PAK5: variants seen among roughly 807,000 people sequenced by gnomAD.
PAK5 encodes p21 (RAC1) activated kinase 5, also known as serine/threonine-protein kinase PAK 5.
PAK5 carries 16 observed loss-of-function variants against 65.9 expected under a neutral mutation model. That is an observed-to-expected ratio of 0.24 (90% CI 0.16 to 0.37). The LOEUF is 0.37. Among genes scored for constraint, PAK5 ranks in the 10% least tolerant of loss-of-function variants. PAK5 has a pLI of 1.00. For synonymous variants in PAK5, 371 were observed against 354.9 expected, an observed-to-expected ratio of 1.05 and a Z score of -0.51; for missense variants, 785 against 903.9, an observed-to-expected ratio of 0.87 and a Z score of 1.69.
chr20:9,553,174 C>T (rs938079272), intron 7 of PAK5, among the ~76,000 whole-genome samples: 12 of 152,112 alleles, frequency 7.9e-5, no homozygotes, highest in African/African-American at 2.2e-4. Context: ...ATTCAAATTT[C>T]ATCAGTTACA....
intron 3 of PAK5, among the ~76,000 whole-genome samples, chr20:9,586,727 C>A (rs531658684): frequency 2.0e-4 from 30 of 152,074 alleles, no homozygotes; most frequent in Non-Finnish European, 4.3e-4. Context: ...ATTAGAGGGT[C>A]ACTATTTCAT....
intron 1 of PAK5, among the ~76,000 whole-genome samples, chr20:9,776,170 G>A (rs573421216): frequency 6.6e-6 from 1 of 152,288 alleles, no homozygotes; most frequent in South Asian, 2.1e-4. Flanking sequence ...TATAGCACAG[G>A]TGACAGATGA....
At chr20:9,698,153 C>T (rs2047893747) in intron 2 of PAK5, among the ~76,000 whole-genome samples, 1 of 151,994 alleles carries the variant, frequency 6.6e-6, no homozygotes, top group Non-Finnish European at 1.5e-5. Flanking sequence ...GCTTAGAAAC[C>T]TTTCTGAGAA....
intron 4 of PAK5, among the ~76,000 whole-genome samples, chr20:9,572,404 T>A (rs1037601801): frequency 6.6e-6 from 1 of 152,218 alleles, no homozygotes; most frequent in Non-Finnish European, 1.5e-5. Context: ...GATGAATTTG[T>A]CCATTCCTAC....
chr20:9,593,515 T>C lies in PAK5; in HGVS notation c.205-12585A>G, dbSNP rs866665586. 2.0e-5 allele frequency among the ~76,000 whole-genome samples: 3 copies of C among 152,158 alleles called. No individual in the cohort carries two copies. The South Asian group carries it at 6.2e-4, about 32-fold the overall frequency. ...TTGCAGAACGTGCAGGTTTGTTACA[T>C]CTAGGTTTTAAGCCCCACATGCATT... On this transcript the variant is annotated intron_variant, in intron 3 of 9. Transcript: ENST00000353224.
chr20:9,811,432 T>C (rs1257241480), intron 1 of PAK5, among the ~76,000 whole-genome samples: 1 of 152,158 alleles, frequency 6.6e-6, no homozygotes, highest in African/African-American at 2.4e-5. Context: ...TTTTTACTAA[T>C]AAAGAACAGT....
intron 3 of PAK5, among the ~76,000 whole-genome samples, chr20:9,605,968 A>G (rs1265595869): frequency 3.3e-5 from 5 of 152,188 alleles, no homozygotes; most frequent in Admixed American, 6.5e-5. Flanking sequence ...CTAGATGGTC[A>G]AAAGTGTAAG....
intron 1 of PAK5, among the ~76,000 whole-genome samples, chr20:9,769,345 A>G (rs1034333705): frequency 2.6e-5 from 4 of 152,234 alleles, no homozygotes; most frequent in African/African-American, 9.6e-5. Context: ...TATGCCATTG[A>G]TACACAAGGC....
At position 9,821,665 on chromosome 20, in the gene PAK5, T is replaced by A. The variant is rs138846598; in HGVS notation, c.-162+17097A>T. On this transcript the variant is annotated intron_variant, in intron 1 of 9. Coordinates refer to ENST00000353224, the MANE Select transcript of PAK5 (RefSeq NM_177990.4). ...CTGCTAACTGCCCAACATCCATTCT[T>A]CACTTTTTCCTGATCAAATACACTT... 2.2e-4 allele frequency among the ~76,000 whole-genome samples: 34 copies of A among 152,318 alleles called. No homozygotes were observed. The East Asian group carries it at 6.6e-3, about 29-fold the overall frequency.
intron 2 of PAK5, among the ~76,000 whole-genome samples, chr20:9,653,961 CT>C (rs35916583): frequency 0.56 from 76,204 of 135,716 alleles, 20,747 homozygotes; most frequent in East Asian, 0.85. Context: ...CTTTTCTTCT[CT>C]TTTTTTTTTT....
At chr20:9,832,799 G>A (rs1978831382) in intron 1 of PAK5, among the ~76,000 whole-genome samples, 2 of 152,138 alleles carry the variant, frequency 1.3e-5, no homozygotes, top group African/African-American at 4.8e-5. Context: ...GTGTGCATTG[G>A]TCTTTTATTT....
At chr20:9,684,334 G>A (rs1320854045) in intron 2 of PAK5, among the ~76,000 whole-genome samples, 3 of 152,172 alleles carry the variant, frequency 2.0e-5, no homozygotes, top group Non-Finnish European at 2.9e-5. Context: ...GGAGTATGAA[G>A]AAGAAACTCC....
At chr20:9,641,949 C>T (rs1471940240) in intron 3 of PAK5, among the ~76,000 whole-genome samples, 1 of 152,084 alleles carries the variant, frequency 6.6e-6, no homozygotes, top group Non-Finnish European at 1.5e-5. Flanking sequence ...GCATGCAGCC[C>T]CGGTTCCCAC....
intron 3 of PAK5, among the ~76,000 whole-genome samples, chr20:9,602,548 GT>G (rs2046380758): frequency 2.6e-5 from 4 of 152,122 alleles, no homozygotes; most frequent in Admixed American, 2.0e-4. Flanking sequence ...TCGTCAGTCA[GT>G]TTCTGAGAAT....
chr20:9,693,471 C>G (rs928934361), intron 2 of PAK5, among the ~76,000 whole-genome samples: 10 of 150,014 alleles, frequency 6.7e-5, no homozygotes, highest in Non-Finnish European at 1.3e-4. Context: ...TTCTCTCCCT[C>G]TCTCTCTCTC....
intron 3 of PAK5, among the ~76,000 whole-genome samples, chr20:9,599,132 G>C (rs1021447974): frequency 6.6e-6 from 1 of 152,102 alleles, no homozygotes; most frequent in Non-Finnish European, 1.5e-5. Flanking sequence ...TTGTTCTTTT[G>C]TCCCTGGTTT....
intron 1 of PAK5, among the ~76,000 whole-genome samples, chr20:9,813,000 A>T (rs1207392259): frequency 1.3e-5 from 2 of 152,166 alleles, no homozygotes; most frequent in Non-Finnish European, 2.9e-5. Context: ...AAAGCTAAAA[A>T]ATCTATAGCA....
chr20:9,737,739 T>C lies in PAK5; in HGVS notation c.-161-26304A>G, dbSNP rs117919739. ...CTATACACATAAAATATTTTCCATA[T>C]CATTAGTCATTAGGAAAATGTAAAA... On this transcript the variant is annotated intron_variant, in intron 1 of 9. Coordinates refer to ENST00000353224, the MANE Select transcript of PAK5 (RefSeq NM_177990.4). 9.6e-4 allele frequency among the ~76,000 whole-genome samples: 146 copies of C among 152,338 alleles called. No homozygotes were observed. The East Asian group carries it at 0.024, about 25-fold the overall frequency.
At chr20:9,835,520 T>C (rs755140859) in intron 1 of PAK5, among the ~76,000 whole-genome samples, 4 of 151,986 alleles carry the variant, frequency 2.6e-5, no homozygotes, top group Admixed American at 1.3e-4. Context: ...GTCCCAGGTG[T>C]GTGGGTGGTA....
Sources: allele counts gnomAD v4.1 joint callset (sites outside exome capture counted in the v4.1 genomes callset), GRCh38; gene constraint gnomAD v4.1.1; transcripts MANE v1.5; gene names NCBI Gene and HGNC (gene_info 2026-07-23, HGNC 2026-07-21).